Variants in GRM8 observed in about 807,000 individuals in gnomAD.
The protein encoded by GRM8 is metabotropic glutamate receptor 8.
GRM8 carries 47 observed loss-of-function variants against 87.2 expected under a neutral mutation model. The observed-to-expected ratio is 0.54, with a 90% CI of 0.43 to 0.69. The LOEUF (loss-of-function observed/expected upper bound fraction) is 0.69, where lower values mean the gene tolerates loss of function less well. Among genes scored for constraint, GRM8 ranks in the 30% least tolerant of loss-of-function variants. GRM8 has a pLI of 0.00. For missense variants in GRM8, 1,019 were observed against 1,139.2 expected, an observed-to-expected ratio of 0.89 and a Z score of 1.52; for synonymous variants, 396 against 404.5, an observed-to-expected ratio of 0.98 and a Z score of 0.25.
intron 2 of GRM8, among the ~76,000 whole-genome samples, chr7:127,195,844 C>T (rs896151825): frequency 1.3e-5 from 2 of 152,246 alleles, no homozygotes; most frequent in Admixed American, 6.5e-5. Flanking sequence ...CGCAAAATGC[C>T]TGGTTTTTAT....
chr7:126,650,955 A>G (rs1433705100), intron 7 of GRM8, among the ~76,000 whole-genome samples: 2 of 152,144 alleles, frequency 1.3e-5, no homozygotes, highest in Non-Finnish European at 2.9e-5. Flanking sequence ...ATTTGCCAGA[A>G]GCAGAGACTG....
chr7:127,182,342 C>G (rs1484675484), intron 2 of GRM8, among the ~76,000 whole-genome samples: 2 of 151,654 alleles, frequency 1.3e-5, no homozygotes, highest in Admixed American at 6.6e-5. Context: ...AAATCAAAAA[C>G]AGTAGATGTC....
At chr7:126,611,761 C>T (rs1798935127) in intron 7 of GRM8, among the ~76,000 whole-genome samples, 1 of 152,162 alleles carries the variant, frequency 6.6e-6, no homozygotes, top group South Asian at 2.1e-4. Context: ...TTGTATAACA[C>T]ATTACCATGA....
rs114519608 is a variant in GRM8 at position 127,205,428 on chromosome 7, G to A, written c.510+37267C>T. Among the ~76,000 whole-genome samples, 1,090 of 152,164 alleles carry A rather than the reference G, an allele frequency of 7.2e-3. 11 individuals carry two copies. The highest frequency in any genetic ancestry group is 0.025 in the African/African-American group (1,029 of 41,512). ...TGAAGCCTTCCCCAGCCAATTTGAG[G>A]GCACTATCAGATGTCCTGTAATATG... is the stretch of plus-strand genomic sequence containing the variant. On this transcript the variant is annotated intron_variant, in intron 2 of 10. Coordinates refer to ENST00000339582, the MANE Select transcript of GRM8 (RefSeq NM_000845.3).
chr7:127,236,135 C>CG (rs1797968977), intron 2 of GRM8, among the ~76,000 whole-genome samples: 5 of 152,142 alleles, frequency 3.3e-5, no homozygotes, highest in Admixed American at 6.6e-5. Flanking sequence ...CATCATCTCA[C>CG]ATTTTTTTTG....
intron 3 of GRM8, among the ~76,000 whole-genome samples, chr7:127,095,988 A>C (rs1222280040): frequency 1.3e-5 from 2 of 152,230 alleles, no homozygotes. Flanking sequence ...AAAAGGAAGC[A>C]AGCAGATTTG....
chr7:127,100,724 A>T (rs778501581), intron 3 of GRM8, among the ~76,000 whole-genome samples: 10 of 152,176 alleles, frequency 6.6e-5, no homozygotes, highest in Non-Finnish European at 1.2e-4. Context: ...TGAGAACAGT[A>T]TGAGGGAAAC....
chr7:127,044,944 T>C lies in GRM8; in HGVS notation c.727+61552A>G, dbSNP rs545230544. Among the ~76,000 whole-genome samples, 4 of 152,210 alleles carry C rather than the reference T, an allele frequency of 2.6e-5. No individual in the cohort carries two copies. In the South Asian group the frequency reaches 8.3e-4, roughly 31 times the overall value. On this transcript the variant is annotated intron_variant, in intron 3 of 10. Coordinates refer to ENST00000339582, the MANE Select transcript of GRM8 (RefSeq NM_000845.3). ...ATTTTGTCATATTTGCTTCAGATTT[T>C]TTTATTTTAAAAAAGTTGCAAATGA...
At chr7:126,793,702 T>C (rs1197759493) in intron 6 of GRM8, among the ~76,000 whole-genome samples, 2 of 152,214 alleles carry the variant, frequency 1.3e-5, no homozygotes, top group Non-Finnish European at 2.9e-5. Flanking sequence ...GACAGGTTGA[T>C]CCAATTGAGT....
intron 9 of GRM8, among the ~76,000 whole-genome samples, chr7:126,529,913 C>A (rs1029717882): frequency 1.3e-5 from 2 of 152,068 alleles, no homozygotes; most frequent in Non-Finnish European, 2.9e-5. Flanking sequence ...ATAGGGAAAC[C>A]AAAGGTGCAT....
chr7:126,647,639 T>C (rs1224460600), intron 7 of GRM8, among the ~76,000 whole-genome samples: 1 of 152,114 alleles, frequency 6.6e-6, no homozygotes, highest in African/African-American at 2.4e-5. Flanking sequence ...GGAAACACCA[T>C]CCAGAGTTGC....
chr7:127,074,918 A>G (rs984564179), intron 3 of GRM8, among the ~76,000 whole-genome samples: 5 of 152,330 alleles, frequency 3.3e-5, no homozygotes, highest in South Asian at 2.1e-4. Context: ...GATGCTCCTC[A>G]GGTGTTCATG....
At chr7:126,697,463 T>C (rs1255403387) in intron 7 of GRM8, among the ~76,000 whole-genome samples, 1 of 152,186 alleles carries the variant, frequency 6.6e-6, no homozygotes, top group Non-Finnish European at 1.5e-5. Flanking sequence ...TGCTTGACCT[T>C]AGTATATTTC....
At chr7:126,807,963 A>T (rs1386451242) in intron 6 of GRM8, among the ~76,000 whole-genome samples, 1 of 152,168 alleles carries the variant, frequency 6.6e-6, no homozygotes, top group Non-Finnish European at 1.5e-5. Context: ...GGAATGACTC[A>T]AAAAGGAGAC....
In GRM8 at chr7:127,205,637, T is replaced by C. The variant is rs997788116; in HGVS notation, c.510+37058A>G. ...CGCTCTGCAGAGGCCACTGGAAGGG[T>C]CCAGGGTAAGAAACCTCACCTGGGG... On this transcript the variant is annotated intron_variant, in intron 2 of 10. Coordinates refer to ENST00000339582, the MANE Select transcript of GRM8 (RefSeq NM_000845.3). 3.3e-5 allele frequency among the ~76,000 whole-genome samples: 5 copies of C among 152,054 alleles called. No individual in the cohort carries two copies. In the East Asian group the frequency reaches 9.7e-4, roughly 29 times the overall value.
At chr7:126,773,245 T>A (rs1178465715) in intron 6 of GRM8, among the ~76,000 whole-genome samples, 1 of 152,116 alleles carries the variant, frequency 6.6e-6, no homozygotes, top group Admixed American at 6.6e-5. Context: ...TTGTTTTTAA[T>A]CTAATTATTT....
At chr7:127,029,131 T>C (rs1817103377) in intron 3 of GRM8, among the ~76,000 whole-genome samples, 2 of 152,300 alleles carry the variant, frequency 1.3e-5, no homozygotes, top group Non-Finnish European at 2.9e-5. Flanking sequence ...TCAGTTTCCA[T>C]GTATCTGTGT....
At chr7:127,241,644 C>A (rs867727177) in intron 2 of GRM8, among the ~76,000 whole-genome samples, 1 of 152,050 alleles carries the variant, frequency 6.6e-6, no homozygotes. Context: ...ACCGTGTTAG[C>A]CAGGATGGTC....
intron 7 of GRM8, among the ~76,000 whole-genome samples, chr7:126,695,639 G>T (rs1434062322): frequency 2.0e-5 from 3 of 152,186 alleles, no homozygotes; most frequent in African/African-American, 7.2e-5. Flanking sequence ...TGACAATTAA[G>T]TAAAATGAAG....
Sources: gnomAD v4.1 joint callset for allele counts (sites outside exome capture counted in the v4.1 genomes callset) on GRCh38, gnomAD v4.1.1 for gene constraint, MANE v1.5 for transcripts, NCBI Gene and HGNC (gene_info 2026-07-23, HGNC 2026-07-21) for gene names.